The following TIAM1 variants were observed in gnomAD, a reference collection of about 807,000 sequenced individuals.
TIAM1 encodes rho guanine nucleotide exchange factor TIAM1.
In TIAM1, 65 loss-of-function variants were observed where a neutral mutation model predicts 163.5. The ratio of observed to expected loss-of-function variants is 0.40; its 90% CI spans 0.33 to 0.49. The LOEUF (loss-of-function observed/expected upper bound fraction) is 0.49, where lower values mean the gene tolerates loss of function less well. Ranked by LOEUF, TIAM1 falls within the 20% of genes least tolerant of loss-of-function variation. TIAM1 has a pLI of 0.77. For synonymous variants in TIAM1, 833 were observed against 810.1 expected (o/e 1.03, Z -0.48); for missense variants, 1,789 against 2,044.7 (o/e 0.87, Z 2.41).
intron 1 of TIAM1, among the ~76,000 whole-genome samples, chr21:31,471,778 A>T (rs1392575748): frequency 6.6e-6 from 1 of 151,996 alleles, no homozygotes; most frequent in Non-Finnish European, 1.5e-5. Flanking sequence ...CTGAGGCAGG[A>T]GAATCACTTA....
intron 4 of TIAM1, among the ~76,000 whole-genome samples, chr21:31,254,749 C>T (rs1057508556): frequency 1.3e-5 from 2 of 152,168 alleles, no homozygotes; most frequent in East Asian, 1.9e-4. Flanking sequence ...TCCCCCTTTT[C>T]TTACCAACAA....
At chr21:31,390,588 A>G (rs1045147168) in intron 2 of TIAM1, among the ~76,000 whole-genome samples, 1 of 152,224 alleles carries the variant, frequency 6.6e-6, no homozygotes. Context: ...GAGGTGAAAC[A>G]TTGTATCAGC....
chr21:31,220,884 T>C (rs1223368789), intron 8 of TIAM1, among the ~76,000 whole-genome samples: 2 of 152,148 alleles, frequency 1.3e-5, no homozygotes, highest in Admixed American at 6.5e-5. Context: ...AGAACAATGA[T>C]AACCTTCTTT....
intron 1 of TIAM1, among the ~76,000 whole-genome samples, chr21:31,499,716 G>C (rs910057367): frequency 6.6e-6 from 1 of 152,044 alleles, no homozygotes; most frequent in Non-Finnish European, 1.5e-5. Flanking sequence ...CAGGTGTGGT[G>C]GTGTGCCCCT....
At chr21:31,501,048 A>G (rs58853130) in intron 1 of TIAM1, among the ~76,000 whole-genome samples, 7 of 152,322 alleles carry the variant, frequency 4.6e-5, no homozygotes, top group Admixed American at 2.0e-4. Flanking sequence ...GGCAGCAGAA[A>G]GAGAAATGTG....
intron 2 of TIAM1, among the ~76,000 whole-genome samples, chr21:31,409,267 AC>A (rs1468440580): frequency 1.3e-5 from 2 of 151,432 alleles, no homozygotes; most frequent in Non-Finnish European, 2.9e-5. Flanking sequence ...CCGCCACCAC[AC>A]CCAGCTAATT....
intron 2 of TIAM1, among the ~76,000 whole-genome samples, chr21:31,291,507 CTTTA>C (rs1027541643): frequency 5.9e-5 from 9 of 152,068 alleles, no homozygotes; most frequent in African/African-American, 1.2e-4. Flanking sequence ...AATTCCATGC[CTTTA>C]TTTATTTATT....
At position 31,161,257 on chromosome 21, in the gene TIAM1, T is replaced by G. The variant is rs2083908895; in HGVS notation, c.2991+3705A>C. Among the ~76,000 whole-genome samples the G allele has an allele frequency of 2.0e-5, 3 of 152,300 alleles. No homozygotes were observed. The South Asian group carries it at 6.2e-4, about 32-fold the overall frequency. ...ATCACAGCTGCCAGGCGGCCTGGAA[T>G]GCATGACACATGACCGCACTGCCCT... On this transcript the variant is annotated intron_variant, in intron 16 of 27. Transcript: ENST00000541036.
At chr21:31,369,312 T>G (rs1168140523) in intron 2 of TIAM1, among the ~76,000 whole-genome samples, 1 of 151,878 alleles carries the variant, frequency 6.6e-6, no homozygotes, top group East Asian at 1.9e-4. Flanking sequence ...GCAAGGTGCT[T>G]TGGTCTCAAT....
In TIAM1 at chr21:31,215,589, A is replaced by G. The variant is rs8127321; in HGVS notation, c.2142+1964T>C. The stretch of plus-strand genomic sequence containing the variant: ...AAAAGAAAAAAAAAAAAAAAAAAAA[A>G]GAAGAGAAATGCTGATGGTTCATGT... On this transcript the variant is annotated intron_variant, in intron 9 of 27. Coordinates refer to ENST00000541036, the MANE Select transcript of TIAM1 (RefSeq NM_001353694.2). Among the ~76,000 whole-genome samples, 240 of 147,646 alleles carry G rather than the reference A, an allele frequency of 1.6e-3. 4 individuals carry two copies. Among genetic ancestry groups the G allele is most frequent in the African/African-American group, 6.0e-3 (226 of 37,884 alleles).
chr21:31,302,116 A>G (rs961762496), intron 2 of TIAM1, among the ~76,000 whole-genome samples: 1 of 152,010 alleles, frequency 6.6e-6, no homozygotes, highest in Admixed American at 6.6e-5. Context: ...CTGAATTCTG[A>G]TAAGAAATTC....
chr21:31,388,106 G>A (rs1041778625), intron 2 of TIAM1, among the ~76,000 whole-genome samples: 14 of 116,680 alleles, frequency 1.2e-4, no homozygotes, highest in Middle Eastern at 4.9e-3. Flanking sequence ...AGCAGACGCC[G>A]CAAAAAGCTT....
At chr21:31,183,757 C>T (rs947285945) in intron 14 of TIAM1, among the ~76,000 whole-genome samples, 12 of 149,720 alleles carry the variant, frequency 8.0e-5, no homozygotes, top group Non-Finnish European at 1.5e-4. Context: ...TGCAGTGGTG[C>T]GATCTTGGCT....
chr21:31,448,425 C>T (rs1341820476), intron 2 of TIAM1, among the ~76,000 whole-genome samples: 2 of 151,970 alleles, frequency 1.3e-5, no homozygotes, highest in East Asian at 3.9e-4. Flanking sequence ...GCCAACATGG[C>T]AAAACCCCAT....
At chr21:31,419,920 G>A (rs1457512708) in intron 2 of TIAM1, among the ~76,000 whole-genome samples, 2 of 152,094 alleles carry the variant, frequency 1.3e-5, no homozygotes, top group Admixed American at 6.6e-5. Flanking sequence ...GCGTGGTGGC[G>A]CGTCTGTGGT....
intron 13 of TIAM1, among the ~76,000 whole-genome samples, chr21:31,191,585 G>A (rs1463547458): frequency 6.6e-6 from 1 of 152,130 alleles, no homozygotes; most frequent in Non-Finnish European, 1.5e-5. Flanking sequence ...CAACCTCCAA[G>A]CATGGGATTT....
intron 1 of TIAM1, among the ~76,000 whole-genome samples, chr21:31,519,305 CAA>C (rs369132676): frequency 1.4e-3 from 77 of 53,122 alleles, no homozygotes; most frequent in East Asian, 4.8e-3. Context: ...AACTCTGTCT[CAA>C]AAAAAAAAAA....
Position 31,395,101 on chromosome 21 carries a change from G to C in TIAM1, c.-368-55679C>G, listed in dbSNP as rs1000615177. Among the ~76,000 whole-genome samples, 3 of 152,202 alleles carry C rather than the reference G, an allele frequency of 2.0e-5. No individual in the cohort carries two copies. The highest frequency in any genetic ancestry group is 2.0e-4 in the Admixed American group (3 of 15,292). On this transcript the variant is annotated intron_variant, in intron 2 of 28. Coordinates refer to the TIAM1 transcript ENST00000286827. The surrounding 1 kb of genome is among the most constrained non-coding windows in gnomAD (Gnocchi z 7.5). ...AAAAATACAAACATTAGCCAGGCAT[G>C]GTGGCGCGTGCCTGTAGTCCCAGCT...
intron 1 of TIAM1, among the ~76,000 whole-genome samples, chr21:31,536,450 C>A (rs865845806): frequency 1.3e-5 from 2 of 152,214 alleles, no homozygotes; most frequent in Non-Finnish European, 2.9e-5. Context: ...CCCCAAAGGT[C>A]ACCTAAATGC....
Sources: gnomAD v4.1 joint callset for allele counts (sites outside exome capture counted in the v4.1 genomes callset) on GRCh38, gnomAD v4.1.1 for gene constraint, Gnocchi (gnomAD v3.1) non-coding constraint, MANE v1.5 for transcripts, NCBI Gene and HGNC (gene_info 2026-07-23, HGNC 2026-07-21) for gene names.